The following TRPM5 variants were observed in gnomAD, a reference collection of about 807,000 sequenced individuals.
The protein encoded by TRPM5 is MLSN1 and TRP-related.
TRPM5 carries 121 observed loss-of-function variants against 124.9 expected under a neutral mutation model. That is an observed-to-expected ratio of 0.97 (90% CI 0.84 to 1.13). The LOEUF (loss-of-function observed/expected upper bound fraction) is 1.13, where lower values mean the gene tolerates loss of function less well. TRPM5 is among the 50% of genes most tolerant of loss of function. The pLI, the probability that TRPM5 is intolerant of heterozygous loss-of-function variation, is 0.00. For synonymous variants in TRPM5, 781 were observed against 700.5 expected (o/e 1.11, Z -1.81); for missense variants, 1,643 against 1,589.1 (o/e 1.03, Z -0.58).
At chr11:2,411,454 G>T in exon 18 of TRPM5, 1 of 1,612,192 alleles carries the variant, frequency 6.2e-7, no homozygotes, top group Non-Finnish European at 8.5e-7. Flanking sequence ...GGGTGCAGCA[G>T]CGCCTGGGTG....
the TRPM5 span, among the ~76,000 whole-genome samples, chr11:2,428,081 C>A: frequency 1.3e-5 from 2 of 152,192 alleles, no homozygotes; most frequent in African/African-American, 4.8e-5. The surrounding 1 kb of genome is among the most constrained non-coding windows in gnomAD (Gnocchi z 4.0). Context: ...CAGAGTGTGC[C>A]TCTGGAATCC....
chr11:2,430,893 A>ATGGAGG, the TRPM5 span, among the ~76,000 whole-genome samples: 67 of 103,574 alleles, frequency 6.5e-4, no homozygotes, highest in Non-Finnish European at 1.1e-3. Flanking sequence ...GGTGATGGTG[A>ATGGAGG]CGGTATTGGT....
In TRPM5 at chr11:2,417,318, G is replaced by T. The variant is rs534397083; in HGVS notation, c.1009+409C>A. On this transcript the variant is annotated intron_variant, in intron 7 of 23. Coordinates refer to ENST00000155858, the Ensembl canonical transcript of TRPM5. ...TACAAAAACAAAATTAGCCGGGCATGGTGGGGTGCACCTGTAATCCCAGCT... is the reference window on the plus strand; with the variant it reads ...TACAAAAACAAAATTAGCCGGGCATTGTGGGGTGCACCTGTAATCCCAGCT... 3.3e-5 allele frequency among the ~76,000 whole-genome samples: 5 copies of T among 152,310 alleles called. No homozygotes were observed. The East Asian group carries it at 9.7e-4, about 29-fold the overall frequency.
intron 2 of TRPM5, 124 bp downstream of exon 7, chr11:2,422,007 CGGGTGGGGGG>C (rs1845778374): frequency 4.5e-5 from 31 of 682,964 alleles, no homozygotes; most frequent in Admixed American, 3.6e-4. Context: ...TTGCCTGTGC[CGGGTGGGGGG>C]ACAGTCAGGG....
intron 7 of TRPM5, among the ~76,000 whole-genome samples, chr11:2,416,554 G>A (rs978703494): frequency 6.6e-6 from 1 of 152,208 alleles, no homozygotes; most frequent in African/African-American, 2.4e-5. Flanking sequence ...GACCCCGTAA[G>A]ACTACGGTGC....
upstream of TRPM5, among the ~76,000 whole-genome samples, chr11:2,427,843 G>T (rs983730293): frequency 7.2e-5 from 11 of 151,994 alleles, no homozygotes; most frequent in African/African-American, 2.7e-4. Flanking sequence ...TCATGCCGGG[G>T]TGCTGGGCCC....
chr11:2,410,268 C>T lies in TRPM5; in HGVS notation c.2782+1084G>A, dbSNP rs544550391. ...ATCACGGCGTCGCCCCCGCCTGTCC[C>T]CGGAGGCCTGTGTTTGCTCCGGTCT... On this transcript the variant is annotated intron_variant, in intron 18 of 23. Coordinates refer to ENST00000155858, the Ensembl canonical transcript of TRPM5. Among the ~76,000 whole-genome samples, 9 of 152,352 alleles carry T rather than the reference C, an allele frequency of 5.9e-5. No individual in the cohort carries two copies. In the South Asian group the frequency reaches 1.4e-3, roughly 25 times the overall value.
chr11:2,443,874 G>C, the TRPM5 span, among the ~76,000 whole-genome samples: 1 of 148,652 alleles, frequency 6.7e-6, no homozygotes, highest in Admixed American at 6.7e-5. This position sits in a 1 kb window ranked among gnomAD's most constrained non-coding sequence, Gnocchi z 5.0. Flanking sequence ...AGTAGCGGGC[G>C]GGAGGCAGTG....
In TRPM5 at chr11:2,411,339, G is replaced by A. The variant is rs768776686; in HGVS notation, c.2782+13C>T. Reference sequence around the variant, plus strand: ...TTTCTCCCTGCCCCTGCCCCCGCTGGCTGTGTGCAAACCATCAATCTCGTC... The same window carrying A: ...TTTCTCCCTGCCCCTGCCCCCGCTGACTGTGTGCAAACCATCAATCTCGTC... On this transcript the variant is annotated intron_variant, in intron 18 of 23. Coordinates refer to ENST00000155858, the Ensembl canonical transcript of TRPM5. 2.5e-6 allele frequency: 4 copies of A among 1,571,856 alleles called. No homozygotes were observed. Among genetic ancestry groups the A allele is most frequent in the Non-Finnish European group, 3.5e-6 (4 of 1,154,652 alleles).
upstream of TRPM5, among the ~76,000 whole-genome samples, chr11:2,427,590 C>G (rs537582040): frequency 6.6e-6 from 1 of 152,244 alleles, no homozygotes; most frequent in African/African-American, 2.4e-5. Context: ...AAGGGCTGGC[C>G]GTCCTCAGGT....
At chr11:2,439,936 C>T in the TRPM5 span, among the ~76,000 whole-genome samples, 1 of 152,176 alleles carries the variant, frequency 6.6e-6, no homozygotes, top group African/African-American at 2.4e-5. Context: ...CCAAGGTGCC[C>T]AACAGTGGTA....
the TRPM5 span, among the ~76,000 whole-genome samples, chr11:2,433,268 C>T: frequency 1.8e-4 from 27 of 152,384 alleles, no homozygotes; most frequent in Admixed American, 4.6e-4. Flanking sequence ...CTGTCCTGTC[C>T]TGGAGCTTCC....
chr11:2,412,142 T>G (rs1366464939), exon 16 of TRPM5: 2 of 1,613,036 alleles, frequency 1.2e-6, no homozygotes, highest in South Asian at 1.1e-5. Flanking sequence ...GACCTGCAGG[T>G]GACACCCACG....
Position 2,415,930 on chromosome 11 carries a change from G to T in TRPM5, c.1104C>A (p.Ile368=), listed in dbSNP as rs745328717. 8.2e-6 allele frequency: 13 copies of T among 1,577,942 alleles called. No individual in the cohort carries two copies. In the Admixed American group the frequency reaches 1.5e-4, roughly 18 times the overall value. The stretch of plus-strand genomic sequence containing the variant: ...CCTTCCACTCCACGTCCCCATTGAA[G>T]ATCTCACTCTTGGCGATGTCCACGC... The change falls in exon 8 of 24, where the codon ATC becomes ATA. Residue 368 remains isoleucine (I), a synonymous_variant. Coordinates refer to ENST00000155858, the Ensembl canonical transcript of TRPM5.
At chr11:2,418,356 C>G in exon 6 of TRPM5, 1 of 1,548,446 alleles carries the variant, frequency 6.5e-7, no homozygotes, top group Non-Finnish European at 8.7e-7. Flanking sequence ...CCCTGGAGAT[C>G]CTCTGAGACG....
At position 2,407,787 on chromosome 11, in the gene TRPM5, GC is replaced by G; in HGVS notation, c.2907del (p.Leu970SerfsTer2). On this transcript the variant is annotated frameshift_variant, in exon 19 of 24. Coordinates refer to ENST00000155858, the Ensembl canonical transcript of TRPM5. LOFTEE classifies it high-confidence loss of function. ...AACATGGCGATGAGCAGGTTCATGA[GC>G]AGCACATTGGTGACCAACAGGAAGG... 1 of 1,613,904 alleles carries G rather than the reference GC, an allele frequency of 6.2e-7. No individual in the cohort carries two copies.
At chr11:2,431,735 C>T in the TRPM5 span, among the ~76,000 whole-genome samples, 57 of 142,600 alleles carry the variant, frequency 4.0e-4, no homozygotes, top group Middle Eastern at 0.011. Flanking sequence ...TCATGTCCTT[C>T]CTCAGAGACC....
At chr11:2,404,886 C>G in exon 24 of TRPM5, 7 of 1,503,676 alleles carry the variant, frequency 4.7e-6, no homozygotes, top group South Asian at 4.6e-5. Flanking sequence ...GCACAACGTG[C>G]AGGGTGGCCA....
At chr11:2,439,385 C>T in the TRPM5 span, among the ~76,000 whole-genome samples, 505 of 152,268 alleles carry the variant, frequency 3.3e-3, 4 homozygotes, top group African/African-American at 0.012. Context: ...ACAGAGTAAA[C>T]AGACAACCTA....
Sources: allele counts gnomAD v4.1 joint callset (sites outside exome capture counted in the v4.1 genomes callset), GRCh38; gene constraint gnomAD v4.1.1; non-coding constraint Gnocchi (gnomAD v3.1); transcripts MANE v1.5; gene names NCBI Gene and HGNC (gene_info 2026-07-23, HGNC 2026-07-21).